The following TMEM117 variants were observed in gnomAD, a reference collection of about 807,000 sequenced individuals.
TMEM117 encodes transmembrane protein 117.
TMEM117 carries 27 observed loss-of-function variants against 52.4 expected under a neutral mutation model. The observed-to-expected ratio is 0.51, with a 90% CI of 0.38 to 0.71. The LOEUF is 0.71. Among genes scored for constraint, TMEM117 ranks in the 30% least tolerant of loss-of-function variants. The pLI is 0.00. For missense variants in TMEM117, 556 were observed against 630.5 expected, an observed-to-expected ratio of 0.88 and a Z score of 1.26; for synonymous variants, 215 against 206.3, an observed-to-expected ratio of 1.04 and a Z score of -0.36.
At chr12:44,166,592 CTCTGTT>C (rs1451601816) in intron 4 of TMEM117, among the ~76,000 whole-genome samples, 10 of 152,256 alleles carry the variant, frequency 6.6e-5, no homozygotes, top group Admixed American at 1.3e-4. Flanking sequence ...CACAAGATTG[CTCTGTT>C]TCTAAGTGGA....
intron 3 of TMEM117, among the ~76,000 whole-genome samples, chr12:44,117,880 G>C (rs573776781): frequency 6.6e-6 from 1 of 151,852 alleles, no homozygotes; most frequent in South Asian, 2.1e-4. Context: ...CTGTATCTTT[G>C]TGTTACCAAT....
At chr12:44,378,627 T>G (rs1951975487) in intron 7 of TMEM117, among the ~76,000 whole-genome samples, 1 of 152,208 alleles carries the variant, frequency 6.6e-6, no homozygotes, top group Non-Finnish European at 1.5e-5. Context: ...CTAGTTCAAC[T>G]TTTATAGCAG....
At chr12:43,975,214 T>C (rs1945652914) in intron 3 of TMEM117, among the ~76,000 whole-genome samples, 1 of 152,180 alleles carries the variant, frequency 6.6e-6, no homozygotes, top group Non-Finnish European at 1.5e-5. Context: ...CTCATATTTA[T>C]TATTATATCA....
intron 5 of TMEM117, among the ~76,000 whole-genome samples, chr12:44,253,493 A>G (rs911828505): frequency 2.0e-5 from 3 of 152,142 alleles, no homozygotes; most frequent in African/African-American, 7.2e-5. Flanking sequence ...GCCTCCCCAA[A>G]TTGAAAGCCA....
At chr12:43,907,237 C>T (rs930758999) in intron 2 of TMEM117, among the ~76,000 whole-genome samples, 4 of 152,116 alleles carry the variant, frequency 2.6e-5, no homozygotes, top group Non-Finnish European at 4.4e-5. Flanking sequence ...CAGGAGCAGA[C>T]TGACACCTCA....
At chr12:44,110,314 C>T (rs1245183711) in intron 3 of TMEM117, among the ~76,000 whole-genome samples, 1 of 145,424 alleles carries the variant, frequency 6.9e-6, no homozygotes, top group Non-Finnish European at 1.5e-5. Flanking sequence ...CCAGTTTTTG[C>T]CCATTCAGTA....
chr12:43,919,121 A>T (rs1282234222), intron 2 of TMEM117, among the ~76,000 whole-genome samples: 3 of 152,110 alleles, frequency 2.0e-5, no homozygotes, highest in Non-Finnish European at 4.4e-5. Context: ...CTCTCTTTTT[A>T]AAAATTTTAT....
intron 3 of TMEM117, among the ~76,000 whole-genome samples, chr12:44,037,615 A>G (rs1261826024): frequency 6.6e-6 from 1 of 152,090 alleles, no homozygotes; most frequent in Non-Finnish European, 1.5e-5. Context: ...GAATGGGAAC[A>G]TATGATGCTT....
At position 44,237,657 on chromosome 12, in the gene TMEM117, A is replaced by G. The variant is rs142197216; in HGVS notation, c.608+26270A>G. On this transcript the variant is annotated intron_variant, in intron 5 of 7. Transcript: ENST00000266534. Reference sequence around the variant, plus strand: ...GGTTGAACCCAGAAGGTGGAGGTTGATGTGAGCCGAGATCCCACCACCGCA... The same window carrying G: ...GGTTGAACCCAGAAGGTGGAGGTTGGTGTGAGCCGAGATCCCACCACCGCA... Among the ~76,000 whole-genome samples the G allele has an allele frequency of 8.2e-3, 1,241 of 151,850 alleles. 9 individuals are homozygous for G. The highest frequency in any genetic ancestry group is 0.017 in the African/African-American group (720 of 41,424).
chr12:43,817,208 G>T, the TMEM117 span, among the ~76,000 whole-genome samples: 1 of 152,172 alleles, frequency 6.6e-6, no homozygotes, highest in Non-Finnish European at 1.5e-5. Flanking sequence ...CCTACACTCA[G>T]AAAAATAACC....
rs553944898 is a variant in TMEM117 at position 43,853,888 on chromosome 12, G to A, written c.277+8960G>A. Among the ~76,000 whole-genome samples the A allele has an allele frequency of 1.6e-3, 236 of 152,226 alleles. 1 individual carries two copies. The highest frequency in any genetic ancestry group is 5.6e-3 in the African/African-American group (232 of 41,536). ...GAGTGGGATTAAAATAGTCAGATATGATGAAAGGTATTCCTTATAGATTTC... is the reference window on the plus strand; with the variant it reads ...GAGTGGGATTAAAATAGTCAGATATAATGAAAGGTATTCCTTATAGATTTC... On this transcript the variant is annotated intron_variant, in intron 2 of 7. Transcript: ENST00000266534.
chr12:44,018,197 CTAGT>C (rs534830808), intron 3 of TMEM117, among the ~76,000 whole-genome samples: 261 of 152,168 alleles, frequency 1.7e-3, no homozygotes, highest in Non-Finnish European at 3.3e-3. Flanking sequence ...TGAACTAACT[CTAGT>C]TAGTCAACTA....
chr12:44,104,162 A>G (rs1214516262), intron 3 of TMEM117, among the ~76,000 whole-genome samples: 2 of 151,962 alleles, frequency 1.3e-5, no homozygotes, highest in Non-Finnish European at 2.9e-5. Flanking sequence ...ATCCTGGAAA[A>G]CTTATTTGGA....
rs190523448 is a variant in TMEM117, at chr12:43,889,181, C to T, written c.277+44253C>T. 8.3e-4 allele frequency among the ~76,000 whole-genome samples: 126 copies of T among 151,876 alleles called. 1 individual carries two copies. The highest frequency in any genetic ancestry group is 3.3e-3 in the Admixed American group (51 of 15,262). ...CACTGCAACCTCCGCCTCCCGGGTA[C>T]AAGCAATTCTCCTGCCTCAGCCTCA... On this transcript the variant is annotated intron_variant, in intron 2 of 7. Transcript: ENST00000266534.
intron 1 of TMEM117, among the ~76,000 whole-genome samples, chr12:43,837,797 G>A (rs1943057008): frequency 6.6e-6 from 1 of 152,186 alleles, no homozygotes; most frequent in Non-Finnish European, 1.5e-5. Context: ...AGGACCCCTA[G>A]ACCTACTTTG....
the TMEM117 span, among the ~76,000 whole-genome samples, chr12:43,823,112 T>C: frequency 6.6e-6 from 1 of 152,174 alleles, no homozygotes; most frequent in Admixed American, 6.5e-5. Flanking sequence ...ATTATAAAAA[T>C]TTGAGGACAT....
chr12:43,855,847 T>G (rs554106890), intron 2 of TMEM117, among the ~76,000 whole-genome samples: 4 of 152,320 alleles, frequency 2.6e-5, no homozygotes, highest in Admixed American at 1.3e-4. Flanking sequence ...CACATATGAT[T>G]TTATCATTTC....
chr12:44,053,211 A>C (rs1203564587), intron 3 of TMEM117, among the ~76,000 whole-genome samples: 1 of 152,194 alleles, frequency 6.6e-6, no homozygotes. Context: ...TCTTCTGCTC[A>C]ATTTGACTAT....
At chr12:44,011,663 C>T (rs1351482662) in intron 3 of TMEM117, among the ~76,000 whole-genome samples, 1 of 151,868 alleles carries the variant, frequency 6.6e-6, no homozygotes, top group Non-Finnish European at 1.5e-5. Context: ...CCTTACTATA[C>T]ATACATACAT....
Sources: allele counts gnomAD v4.1 joint callset (sites outside exome capture counted in the v4.1 genomes callset), GRCh38; gene constraint gnomAD v4.1.1; transcripts MANE v1.5; gene names NCBI Gene and HGNC (gene_info 2026-07-23, HGNC 2026-07-21).